CACNA2D3: variants seen among roughly 807,000 people sequenced by gnomAD.
CACNA2D3 encodes the protein voltage-dependent calcium channel subunit alpha-2/delta-3.
A neutral mutation model predicts 160.6 loss-of-function variants in CACNA2D3; 60 were observed. The observed-to-expected ratio is 0.37, with a 90% CI of 0.30 to 0.46. The LOEUF is 0.46. CACNA2D3 is among the 20% of genes least tolerant of loss of function. CACNA2D3 has a pLI of 1.00. For missense variants in CACNA2D3, 1,205 were observed against 1,365.0 expected (o/e 0.88, Z 1.85); for synonymous variants, 558 against 492.9 (o/e 1.13, Z -1.75).
intron 35 of CACNA2D3, among the ~76,000 whole-genome samples, chr3:55,066,193 C>CA: frequency 6.6e-6 from 1 of 152,302 alleles, no homozygotes; most frequent in African/African-American, 2.4e-5. Flanking sequence ...GAGCCACAGT[C>CA]ACGTGCTCCA....
At chr3:54,409,382 C>G (rs933574311) in intron 4 of CACNA2D3, among the ~76,000 whole-genome samples, 1 of 152,166 alleles carries the variant, frequency 6.6e-6, no homozygotes, top group Non-Finnish European at 1.5e-5. Flanking sequence ...GTTGGACTGT[C>G]CCACCAACCA....
At position 54,880,847 on chromosome 3, in the gene CACNA2D3, T is replaced by G; in HGVS notation, c.1896T>G (p.Asn632Lys). The change falls in exon 21 of 38, where the codon AAT becomes AAG. Residue 632 changes from asparagine (N) to lysine (K), a missense_variant. Asn to Lys is a moderately conservative substitution (Grantham distance 94, BLOSUM62 0). Coordinates refer to ENST00000474759, the MANE Select transcript of CACNA2D3 (RefSeq NM_018398.3). ...RGHGKYFFRG[N>K]VTIEEGLHDL... ...ATGGGAAATATTTCTTCCGAGGGAA[T>G]GTAACCATCGAAGAAGGTAAGATAC... 6.2e-7 allele frequency: 1 copy of G among 1,613,830 alleles called. No homozygotes were observed. The highest frequency in any genetic ancestry group is 8.5e-7 in the Non-Finnish European group (1 of 1,179,744).
rs546446746 is a variant in CACNA2D3 at position 54,128,789 on chromosome 3, G to T, written c.204+5195G>T. ...TGGGACACTGTGATTTGACTTAGAG[G>T]TTTGCTGTGGCCAAAACTGAGAAAA... On this transcript the variant is annotated intron_variant, in intron 2 of 37. Transcript: ENST00000474759. Among the ~76,000 whole-genome samples the T allele has an allele frequency of 2.0e-5, 3 of 152,248 alleles. 1 individual carries two copies. The South Asian group carries it at 6.2e-4, about 32-fold the overall frequency.
intron 4 of CACNA2D3, among the ~76,000 whole-genome samples, chr3:54,449,290 T>C (rs1395869430): frequency 2.0e-5 from 3 of 152,192 alleles, no homozygotes; most frequent in African/African-American, 4.8e-5. Context: ...TTGACTAATA[T>C]TGAAGAATTG....
At chr3:54,617,425 C>T (rs897992396) in intron 9 of CACNA2D3, among the ~76,000 whole-genome samples, 1 of 152,262 alleles carries the variant, frequency 6.6e-6, no homozygotes, top group African/African-American at 2.4e-5. Context: ...CGTGGTGATG[C>T]GATCCAGACC....
chr3:54,893,948 A>G (rs1044572449), intron 25 of CACNA2D3, among the ~76,000 whole-genome samples: 6 of 151,962 alleles, frequency 3.9e-5, no homozygotes, highest in South Asian at 2.1e-4. Context: ...AGAATCCCAT[A>G]TATTTGTTAG....
intron 35 of CACNA2D3, among the ~76,000 whole-genome samples, chr3:55,064,224 G>A (rs2107224502): frequency 6.6e-6 from 1 of 152,342 alleles, no homozygotes; most frequent in South Asian, 2.1e-4. Context: ...CTACTCATGG[G>A]GCACAGCCAG....
chr3:54,417,180 A>G (rs770880925), intron 4 of CACNA2D3, among the ~76,000 whole-genome samples: 4 of 152,228 alleles, frequency 2.6e-5, no homozygotes, highest in Admixed American at 6.5e-5. Context: ...TACCTTTAAA[A>G]GCCATGAGAG....
At chr3:54,361,260 TG>T (rs945735465) in intron 3 of CACNA2D3, among the ~76,000 whole-genome samples, 2 of 150,368 alleles carry the variant, frequency 1.3e-5, no homozygotes, top group African/African-American at 4.9e-5. Flanking sequence ...ACCTGTCAAG[TG>T]GGTTGAAGAC....
chr3:54,310,909 G>T (rs1703725078), intron 2 of CACNA2D3, among the ~76,000 whole-genome samples: 1 of 152,172 alleles, frequency 6.6e-6, no homozygotes, highest in South Asian at 2.1e-4. Flanking sequence ...TGATCAACTT[G>T]TTACGTGGCT....
chr3:54,573,367 C>T (rs566469407), intron 8 of CACNA2D3, among the ~76,000 whole-genome samples: 101 of 152,292 alleles, frequency 6.6e-4, no homozygotes, highest in Admixed American at 2.0e-3. Context: ...TTAATGTAGG[C>T]AATGTATGTA....
chr3:54,409,499 G>A (rs999432445), intron 4 of CACNA2D3, among the ~76,000 whole-genome samples: 2 of 152,170 alleles, frequency 1.3e-5, no homozygotes, highest in African/African-American at 2.4e-5. Context: ...GTGTTCAAGC[G>A]AAAGGAAGAG....
At chr3:54,386,692 C>CTGT in intron 3 of CACNA2D3, 23 bp from the exon 4 acceptor site, 1 of 1,060,416 alleles carries the variant, frequency 9.4e-7, no homozygotes, top group South Asian at 1.5e-5. Context: ...ATGCTGTCTT[C>CTGT]TGTTTTTTTT....
intron 3 of CACNA2D3, among the ~76,000 whole-genome samples, chr3:54,356,115 G>A (rs1322286371): frequency 6.6e-6 from 1 of 151,860 alleles, no homozygotes; most frequent in Non-Finnish European, 1.5e-5. Flanking sequence ...TTGGGTGGGA[G>A]GGCGGGGACA....
At chr3:54,535,649 A>G (rs1701878230) in intron 5 of CACNA2D3, among the ~76,000 whole-genome samples, 2 of 152,266 alleles carry the variant, frequency 1.3e-5, no homozygotes, top group South Asian at 4.1e-4. Flanking sequence ...CAGAATATTG[A>G]GAACTCTAAA....
chr3:54,330,467 G>GAC (rs568743152), intron 3 of CACNA2D3, among the ~76,000 whole-genome samples: 220 of 152,252 alleles, frequency 1.4e-3, no homozygotes, highest in African/African-American at 4.9e-3. Context: ...TCCAGCCAAT[G>GAC]AGCAGGAGTC....
At chr3:54,870,928 C>T (rs370194860) in intron 17 of CACNA2D3, among the ~76,000 whole-genome samples, 9 of 151,944 alleles carry the variant, frequency 5.9e-5, no homozygotes, top group South Asian at 4.2e-4. Context: ...AGGTTTGAGA[C>T]AAAAGGTAGA....
chr3:54,922,028 G>A (rs762112868), intron 27 of CACNA2D3, among the ~76,000 whole-genome samples: 2 of 152,216 alleles, frequency 1.3e-5, no homozygotes, highest in Non-Finnish European at 1.5e-5. Context: ...TCCTAGTTAT[G>A]TTGGGACATC....
At chr3:54,549,302 C>T (rs1170616465) in intron 5 of CACNA2D3, among the ~76,000 whole-genome samples, 4 of 152,062 alleles carry the variant, frequency 2.6e-5, no homozygotes, top group Middle Eastern at 3.2e-3. Context: ...AAAAATTAGC[C>T]GAATGTGGTG....
Sources: allele counts gnomAD v4.1 joint callset (sites outside exome capture counted in the v4.1 genomes callset), GRCh38; gene constraint gnomAD v4.1.1; transcripts MANE v1.5; gene names NCBI Gene and HGNC (gene_info 2026-07-23, HGNC 2026-07-21).